Variants in RORA observed in about 807,000 individuals in gnomAD.
RORA encodes the protein RAR related orphan receptor A, also known as nuclear receptor ROR-alpha.
A neutral mutation model predicts 69.5 loss-of-function variants in RORA; 7 were observed. That is an observed-to-expected ratio of 0.10 (90% confidence interval 0.06 to 0.19). The LOEUF is 0.19. RORA is among the 10% of genes least tolerant of loss of function. The pLI is 1.00. For synonymous variants in RORA, 261 were observed against 240.8 expected (o/e 1.08, Z -0.78); for missense variants, 457 against 663.0 (o/e 0.69, Z 3.41).
rs967118406 is a variant in RORA at position 60,494,987 on chromosome 15, A to T, written c.*2468T>A. 1 of 152,240 alleles carries T rather than the reference A, an allele frequency of 6.6e-6. No individual in the cohort carries two copies. The highest frequency in any genetic ancestry group is 1.5e-5 in the Non-Finnish European group (1 of 68,040). The allele number at this position is 152,240 out of a possible 1,614,324, so 9.4% of individuals were successfully genotyped here. On this transcript the variant is annotated 3_prime_UTR_variant, in exon 11 of 11. Coordinates refer to ENST00000335670, the MANE Select transcript of RORA (RefSeq NM_134261.3). Reference sequence around the variant, plus strand: ...AGGTTTAGTTGCTCTTTAATGCGCTAGCACCTGAGGCTGGTCATATTCAGA... The same window carrying T: ...AGGTTTAGTTGCTCTTTAATGCGCTTGCACCTGAGGCTGGTCATATTCAGA...
chr15:61,155,352 T>C (rs184085889), intron 1 of RORA, among the ~76,000 whole-genome samples: 17 of 152,346 alleles, frequency 1.1e-4, no homozygotes, highest in Non-Finnish European at 2.2e-4. Context: ...GGTGATTTTC[T>C]ATAGCTAAAG....
chr15:60,618,025 C>T (rs555216776), intron 2 of RORA, among the ~76,000 whole-genome samples: 42 of 152,252 alleles, frequency 2.8e-4, no homozygotes, highest in African/African-American at 9.6e-4. Context: ...GGCTTGTAAC[C>T]GAGGGCAATT....
chr15:60,790,834 C>G (rs949800821), intron 1 of RORA, among the ~76,000 whole-genome samples: 1 of 152,184 alleles, frequency 6.6e-6, no homozygotes, highest in African/African-American at 2.4e-5. Context: ...TTCAATTTCA[C>G]AATTATGCAT....
chr15:60,747,997 G>A (rs1259401723), intron 1 of RORA, among the ~76,000 whole-genome samples: 1 of 152,134 alleles, frequency 6.6e-6, no homozygotes, highest in African/African-American at 2.4e-5. Context: ...AGTTTAAAAT[G>A]TTGCAAATGG....
chr15:61,057,740 C>T (rs141839475), intron 1 of RORA, among the ~76,000 whole-genome samples: 1 of 152,220 alleles, frequency 6.6e-6, no homozygotes, highest in East Asian at 1.9e-4. Context: ...TGTACAGGGC[C>T]ACCATCAAGA....
Position 60,597,613 on chromosome 15 carries a change from T to C in RORA, c.197-65762A>G, listed in dbSNP as rs1367937660. ...ATATATACACATATATATATATATA[T>C]ATATACATACATATATATACATATA... On this transcript the variant is annotated intron_variant, in intron 2 of 10. Transcript: ENST00000335670. 3.8e-4 allele frequency among the ~76,000 whole-genome samples: 17 copies of C among 45,178 alleles called. 2 individuals are homozygous for C. Among genetic ancestry groups the C allele is most frequent in the African/African-American group, 1.9e-3 (17 of 9,070 alleles). 29.6% of individuals were successfully genotyped at this position (45,178 alleles called of 152,430 possible). A position where few individuals can be genotyped will look rare whatever the true frequency, so the allele number is the denominator to read the frequency against.
intron 1 of RORA, among the ~76,000 whole-genome samples, chr15:61,115,911 A>G (rs1448992855): frequency 6.6e-6 from 1 of 152,176 alleles, no homozygotes; most frequent in Admixed American, 6.5e-5. Context: ...CAGAGAGGAA[A>G]GCTACGTGGG....
rs569499655 is a variant in RORA at position 60,493,484 on chromosome 15, T to G, written c.*3971A>C. ...ACTTAAACCTTTTCATGAAAGATAC[T>G]ACTAGGTTGTTTTGCATTTTGGAAT... On this transcript the variant is annotated 3_prime_UTR_variant, in exon 11 of 11. Transcript: ENST00000335670. 1 of 152,206 alleles carries G rather than the reference T, an allele frequency of 6.6e-6. No individual in the cohort carries two copies. Among genetic ancestry groups the G allele is most frequent in the Non-Finnish European group, 1.5e-5 (1 of 68,036 alleles). The allele number at this position is 152,206 out of a possible 1,614,324, so 9.4% of individuals were successfully genotyped here.
At chr15:60,509,890 C>A (rs2065639773) in intron 5 of RORA, among the ~76,000 whole-genome samples, 1 of 151,964 alleles carries the variant, frequency 6.6e-6, no homozygotes, top group Non-Finnish European at 1.5e-5. Context: ...CCTTTTAATG[C>A]TGTTCAGTGG....
chr15:60,944,824 T>C (rs1892819217), intron 1 of RORA, among the ~76,000 whole-genome samples: 2 of 150,586 alleles, frequency 1.3e-5, no homozygotes, highest in African/African-American at 2.5e-5. Flanking sequence ...GCAACAAGAG[T>C]GACACTTAAA....
intron 2 of RORA, among the ~76,000 whole-genome samples, chr15:60,629,868 A>G (rs772985740): frequency 6.6e-6 from 1 of 152,232 alleles, no homozygotes; most frequent in Non-Finnish European, 1.5e-5. Context: ...GAGCGTCTAC[A>G]TAAATCAACA....
chr15:60,640,543 G>A (rs1389121583), intron 2 of RORA, among the ~76,000 whole-genome samples: 1 of 152,136 alleles, frequency 6.6e-6, no homozygotes, highest in East Asian at 1.9e-4. Flanking sequence ...CCTCACCACA[G>A]CCTTCAAAGG....
chr15:61,098,835 A>G (rs185610787), intron 1 of RORA, among the ~76,000 whole-genome samples: 6 of 152,380 alleles, frequency 3.9e-5, no homozygotes, highest in East Asian at 1.9e-4. Flanking sequence ...CTTAAAAATA[A>G]TAAGTACTGC....
At chr15:61,192,390 T>C (rs1395802982) in intron 1 of RORA, among the ~76,000 whole-genome samples, 2 of 152,044 alleles carry the variant, frequency 1.3e-5, no homozygotes, top group Non-Finnish European at 2.9e-5. Flanking sequence ...AGAGGAAAAA[T>C]CTATACAATC....
intron 1 of RORA, among the ~76,000 whole-genome samples, chr15:60,759,873 T>A (rs569925076): frequency 1.2e-4 from 19 of 152,344 alleles, no homozygotes; most frequent in Middle Eastern, 3.4e-3. Context: ...TGATTTGCTA[T>A]CCTATTTTCC....
chr15:61,157,573 G>T lies in RORA; in HGVS notation c.166+71480C>A, dbSNP rs117623771. ...GCTTACTTACCCCATTGTTCTCCAG[G>T]AGCCAAGATTTAAGGGACAGCCCTC... On this transcript the variant is annotated intron_variant, in intron 1 of 10. Coordinates refer to ENST00000335670, the MANE Select transcript of RORA (RefSeq NM_134261.3). 5.5e-4 allele frequency among the ~76,000 whole-genome samples: 83 copies of T among 152,194 alleles called. No individual in the cohort carries two copies. In the East Asian group the frequency reaches 0.013, roughly 23 times the overall value.
intron 3 of RORA, among the ~76,000 whole-genome samples, chr15:60,515,743 G>A (rs1436565947): frequency 2.1e-5 from 3 of 143,006 alleles, no homozygotes; most frequent in East Asian, 2.1e-4. Flanking sequence ...ACACATGGGG[G>A]CTTTTTTTCG....
intron 1 of RORA, among the ~76,000 whole-genome samples, chr15:60,704,455 C>CA (rs11285737): frequency 7.9e-4 from 120 of 151,772 alleles, no homozygotes; most frequent in Non-Finnish European, 1.1e-3. Context: ...AGCTGAGATG[C>CA]AAAAAAAATA....
intron 2 of RORA, among the ~76,000 whole-genome samples, chr15:60,630,152 C>T (rs1015574461): frequency 2.0e-5 from 3 of 148,662 alleles, no homozygotes; most frequent in Non-Finnish European, 4.5e-5. Flanking sequence ...TGATCTTTTC[C>T]ACCATGAGTT....
Sources: allele counts gnomAD v4.1 joint callset (sites outside exome capture counted in the v4.1 genomes callset), GRCh38; gene constraint gnomAD v4.1.1; transcripts MANE v1.5; gene names NCBI Gene and HGNC (gene_info 2026-07-23, HGNC 2026-07-21).